RAB14: variants seen among roughly 807,000 people sequenced by gnomAD.
RAB14 encodes ras-related protein Rab-14.
A neutral mutation model predicts 31.1 loss-of-function variants in RAB14; 3 were observed. The observed-to-expected ratio is 0.10, with a 90% CI of 0.04 to 0.25. The LOEUF (loss-of-function observed/expected upper bound fraction) is 0.25. RAB14 is among the 10% of genes least tolerant of loss of function. RAB14 has a pLI of 1.00. For missense variants in RAB14, 111 were observed against 260.1 expected (o/e 0.43, Z 3.94); for synonymous variants, 85 against 84.9 (o/e 1.00, Z 0.00).
chr9:121,199,533 A>G (rs1035822791), intron 1 of RAB14, among the ~76,000 whole-genome samples: 3 of 152,202 alleles, frequency 2.0e-5, no homozygotes, highest in Non-Finnish European at 4.4e-5. Context: ...CACTAGCACA[A>G]TATCTTACTG....
intron 7 of RAB14, among the ~76,000 whole-genome samples, chr9:121,181,807 G>A (rs1196632243): frequency 2.1e-5 from 3 of 139,922 alleles, no homozygotes; most frequent in African/African-American, 7.6e-5. Flanking sequence ...GAGTGCAGTG[G>A]CCCGATCTCA....
rs2053633800 is a variant in RAB14, at chr9:121,181,681, C to CTTTAA, written c.471-109_471-108insTTAAA. On this transcript the variant is annotated intron_variant, in intron 7 of 7. Transcript: ENST00000373840. ...AACTGCCATGATGTCTCCAACTTAA[C>CTTTAA]CACTGTCATCTAATAAGAGATTACC... is the stretch of plus-strand genomic sequence containing the variant. The CTTTAA allele has an allele frequency of 1.1e-5, 8 of 723,672 alleles. No homozygotes were observed. The South Asian group carries it at 2.2e-4, about 20-fold the overall frequency. The allele number at this position is 723,672 out of a possible 1,614,324, so 44.8% of individuals were successfully genotyped here. A position where few individuals can be genotyped will look rare whatever the true frequency, so the allele number is the denominator to read the frequency against.
At chr9:121,186,860 C>A (rs751871775) in intron 5 of RAB14, 93 bp downstream of exon 5, 14 of 744,668 alleles carry the variant, frequency 1.9e-5, no homozygotes, top group Non-Finnish European at 2.9e-5. Context: ...ATTCTTAGTA[C>A]CTGAAGACAA....
chr9:121,190,025 A>G (rs537812244), intron 4 of RAB14, among the ~76,000 whole-genome samples: 2 of 152,096 alleles, frequency 1.3e-5, no homozygotes, highest in Non-Finnish European at 2.9e-5. Flanking sequence ...ATTTAAACCT[A>G]CTGCATGTAG....
intron 6 of RAB14, 73 bp downstream of exon 6, chr9:121,183,238 C>T: frequency 7.8e-7 from 1 of 1,286,194 alleles, no homozygotes; most frequent in Non-Finnish European, 1.1e-6. Flanking sequence ...AAAAAAAAAC[C>T]AACAAAACTG....
rs531088275 is a variant in RAB14, at chr9:121,196,183, G to GA, written c.-7-2765dup. Among the ~76,000 whole-genome samples the GA allele has an allele frequency of 5.3e-4, 78 of 148,012 alleles. No homozygotes were observed. The East Asian group carries it at 6.3e-3, about 12-fold the overall frequency. On this transcript the variant is annotated intron_variant, in intron 1 of 7. Transcript: ENST00000373840. ...ACTTAACATTACAATCCCCATAAAT[G>GA]AAAAAAAAAATCCTGGTAATATTCT...
chr9:121,196,788 G>A (rs932869037), intron 1 of RAB14, among the ~76,000 whole-genome samples: 1 of 152,048 alleles, frequency 6.6e-6, no homozygotes, highest in Admixed American at 6.6e-5. Context: ...ATAAATGACT[G>A]GTAATACTAG....
chr9:121,194,532 G>T (rs1157937354), intron 1 of RAB14, among the ~76,000 whole-genome samples: 2 of 152,070 alleles, frequency 1.3e-5, no homozygotes, highest in Non-Finnish European at 2.9e-5. Flanking sequence ...TGTAAAACTG[G>T]TAATAACTTT....
At chr9:121,188,402 A>ATT (rs2053669339) in intron 4 of RAB14, among the ~76,000 whole-genome samples, 1 of 151,952 alleles carries the variant, frequency 6.6e-6, no homozygotes, top group Admixed American at 6.6e-5. Flanking sequence ...TACCAAAATC[A>ATT]TATAAACCAT....
chr9:121,183,009 A>T, intron 6 of RAB14, 49 bp from the exon 7 acceptor site: 1 of 1,533,356 alleles, frequency 6.5e-7, no homozygotes. Flanking sequence ...ACTAACTCAC[A>T]AGTGCACTTC....
chr9:121,189,981 C>CT (rs2053678218), intron 4 of RAB14, among the ~76,000 whole-genome samples: 1 of 152,084 alleles, frequency 6.6e-6, no homozygotes, highest in Non-Finnish European at 1.5e-5. Context: ...ACATCAAGTG[C>CT]TTTGGAATTC....
chr9:121,190,486 CAATT>C, intron 4 of RAB14, 64 bp downstream of exon 4: 4 of 1,391,148 alleles, frequency 2.9e-6, no homozygotes, highest in Non-Finnish European at 3.9e-6. Context: ...AAATGCCTAT[CAATT>C]TTTTTTTAAA....
At chr9:121,183,026 A>C (rs1032111186) in intron 6 of RAB14, 66 bp from the exon 7 acceptor site, 1 of 1,458,512 alleles carries the variant, frequency 6.9e-7, no homozygotes, top group African/African-American at 1.4e-5. Flanking sequence ...CTTCTTTAGT[A>C]ACATCTGAAA....
chr9:121,178,662 A>G lies in RAB14; in HGVS notation c.*2734T>C, dbSNP rs1241049809. 1 of 152,106 alleles carries G rather than the reference A, an allele frequency of 6.6e-6. No individual in the cohort carries two copies. The highest frequency in any genetic ancestry group is 1.5e-5 in the Non-Finnish European group (1 of 68,034). The allele number at this position is 152,106 out of a possible 1,614,324, so 9.4% of individuals were successfully genotyped here. A position where few individuals can be genotyped will look rare whatever the true frequency, so the allele number is the denominator to read the frequency against. On this transcript the variant is annotated 3_prime_UTR_variant, in exon 8 of 8. Coordinates refer to ENST00000373840, the MANE Select transcript of RAB14 (RefSeq NM_016322.4). ...GACACCTTTCCAAAGAAATTGTACT[A>G]CCTCTATTAACGTGTAAACCACCAA...
At chr9:121,197,345 C>A (rs1012997105) in intron 1 of RAB14, among the ~76,000 whole-genome samples, 3 of 152,168 alleles carry the variant, frequency 2.0e-5, no homozygotes, top group Non-Finnish European at 4.4e-5. Context: ...GGGAAACATA[C>A]CATTTCACCA....
chr9:121,188,389 T>C (rs1253359578), intron 4 of RAB14, among the ~76,000 whole-genome samples: 2 of 151,906 alleles, frequency 1.3e-5, no homozygotes, highest in African/African-American at 4.8e-5. Flanking sequence ...CAGAAAAGCC[T>C]AGTACCAAAA....
intron 1 of RAB14, among the ~76,000 whole-genome samples, chr9:121,197,045 T>C (rs1429449215): frequency 6.6e-6 from 1 of 152,180 alleles, no homozygotes; most frequent in Non-Finnish European, 1.5e-5. Context: ...CCAGGCCTGA[T>C]TCCAAAGACC....
At chr9:121,186,767 A>T (rs1000984776) in intron 5 of RAB14, among the ~76,000 whole-genome samples, 186 bp downstream of exon 5, 1 of 152,172 alleles carries the variant, frequency 6.6e-6, no homozygotes, top group African/African-American at 2.4e-5. Context: ...GTATAATAAA[A>T]TGCAAAACCT....
intron 4 of RAB14, 54 bp from the exon 5 acceptor site, chr9:121,187,073 CTT>C: frequency 1.8e-6 from 2 of 1,094,288 alleles, no homozygotes; most frequent in South Asian, 1.7e-5. Context: ...AGAAAAAAAA[CTT>C]AAATATTTAA....
Sources: allele counts gnomAD v4.1 joint callset (sites outside exome capture counted in the v4.1 genomes callset), GRCh38; gene constraint gnomAD v4.1.1; transcripts MANE v1.5; gene names NCBI Gene and HGNC (gene_info 2026-07-23, HGNC 2026-07-21).